The following MBD5 variants were observed in gnomAD, a reference collection of about 807,000 sequenced individuals.
MBD5 encodes the protein methyl-CpG binding domain protein 5.
In MBD5, 13 loss-of-function variants were observed where a neutral mutation model predicts 117.3. The observed-to-expected ratio is 0.11, with a 90% CI of 0.07 to 0.18. MBD5 has a LOEUF of 0.18. MBD5 is among the 10% of genes least tolerant of loss of function. The pLI is 1.00. For missense variants in MBD5, 1,879 were observed against 2,093.8 expected, an observed-to-expected ratio of 0.90 and a Z score of 2.00; for synonymous variants, 727 against 766.4, an observed-to-expected ratio of 0.95 and a Z score of 0.85.
chr2:148,430,441 A>G (rs1705949962), intron 4 of MBD5, among the ~76,000 whole-genome samples: 1 of 152,158 alleles, frequency 6.6e-6, no homozygotes, highest in Non-Finnish European at 1.5e-5. Context: ...ATGTGTATCT[A>G]TAATTCCTAT....
intron 4 of MBD5, among the ~76,000 whole-genome samples, chr2:148,443,285 T>A (rs1236643876): frequency 6.6e-6 from 1 of 151,324 alleles, no homozygotes; most frequent in South Asian, 2.1e-4. Flanking sequence ...CTTTGTACAC[T>A]GTTGTACACT....
chr2:148,268,233 T>C (rs577307449), intron 3 of MBD5, among the ~76,000 whole-genome samples: 1 of 152,116 alleles, frequency 6.6e-6, no homozygotes, highest in African/African-American at 2.4e-5. Flanking sequence ...TCAGCTGGGA[T>C]GAGTGCTCCC....
At chr2:148,377,816 T>C (rs879876191) in intron 4 of MBD5, among the ~76,000 whole-genome samples, 2 of 152,168 alleles carry the variant, frequency 1.3e-5, no homozygotes, top group Non-Finnish European at 2.9e-5. Flanking sequence ...TCCTCGACAA[T>C]AGAAACCTAC....
intron 11 of MBD5, among the ~76,000 whole-genome samples, chr2:148,501,831 G>T (rs1035885994): frequency 2.6e-5 from 4 of 152,172 alleles, no homozygotes; most frequent in Admixed American, 6.5e-5. Flanking sequence ...AGCCAAATGT[G>T]TACTAGGTCA....
intron 3 of MBD5, among the ~76,000 whole-genome samples, chr2:148,290,747 T>C (rs528983618): frequency 6.6e-6 from 1 of 152,344 alleles, no homozygotes; most frequent in East Asian, 1.9e-4. Flanking sequence ...CCACATTTCA[T>C]TTTATTCATC....
chr2:148,373,394 C>A (rs371852090), intron 4 of MBD5, among the ~76,000 whole-genome samples: 2 of 151,954 alleles, frequency 1.3e-5, no homozygotes, highest in African/African-American at 2.4e-5. Context: ...CAGTAATGAA[C>A]CTTGCTGATT....
At chr2:148,285,871 C>T (rs1701357092) in intron 3 of MBD5, among the ~76,000 whole-genome samples, 1 of 152,184 alleles carries the variant, frequency 6.6e-6, no homozygotes, top group Admixed American at 6.5e-5. Context: ...TAATTCATTA[C>T]ATTTTATATA....
chr2:148,356,272 A>G (rs1304770172), intron 4 of MBD5, among the ~76,000 whole-genome samples: 1 of 152,130 alleles, frequency 6.6e-6, no homozygotes, highest in Non-Finnish European at 1.5e-5. Flanking sequence ...CGATAATGGC[A>G]GCTGATCAGT....
At chr2:148,326,684 G>T (rs1702461624) in intron 3 of MBD5, among the ~76,000 whole-genome samples, 1 of 151,522 alleles carries the variant, frequency 6.6e-6, no homozygotes, top group Admixed American at 6.6e-5. Flanking sequence ...TTTTCCATTT[G>T]CTTGGTAGAT....
chr2:148,145,625 C>G (rs1332234431), intron 1 of MBD5, among the ~76,000 whole-genome samples: 2 of 152,144 alleles, frequency 1.3e-5, no homozygotes. Flanking sequence ...TACATCCCAT[C>G]AATACCTAGT....
At chr2:148,487,619 A>G (rs1047099937) in intron 10 of MBD5, among the ~76,000 whole-genome samples, 10 of 152,212 alleles carry the variant, frequency 6.6e-5, no homozygotes, top group Non-Finnish European at 5.9e-5. Flanking sequence ...TCAGTGACTT[A>G]GTGGAATGCA....
At chr2:148,050,855 T>C (rs1694680513) in intron 1 of MBD5, among the ~76,000 whole-genome samples, 1 of 152,136 alleles carries the variant, frequency 6.6e-6, no homozygotes. Flanking sequence ...CTTACTATAG[T>C]TTTTTTGTTT....
chr2:148,153,141 A>G (rs1203782303), intron 1 of MBD5, among the ~76,000 whole-genome samples: 3 of 151,534 alleles, frequency 2.0e-5, no homozygotes, highest in Admixed American at 6.6e-5. Flanking sequence ...CCTGGTGGTG[A>G]CAAAATCTCT....
intron 4 of MBD5, among the ~76,000 whole-genome samples, chr2:148,401,330 A>G (rs1430819035): frequency 6.6e-6 from 1 of 152,018 alleles, no homozygotes; most frequent in African/African-American, 2.4e-5. Flanking sequence ...TTATAATTTG[A>G]GGTCTCCACA....
intron 8 of MBD5, 169 bp downstream of exon 8, chr2:148,470,630 C>G (rs1472669476): frequency 6.7e-6 from 4 of 600,790 alleles, no homozygotes; most frequent in Non-Finnish European, 1.1e-5. Context: ...AGGGATTTGT[C>G]TATTGGGAAG....
intron 2 of MBD5, among the ~76,000 whole-genome samples, chr2:148,198,126 A>G (rs1000649127): frequency 6.6e-5 from 10 of 152,144 alleles, no homozygotes; most frequent in Admixed American, 1.3e-4. Context: ...GCCATAATCA[A>G]TACAGATTTT....
At chr2:148,454,996 G>A (rs1706841197) in intron 4 of MBD5, among the ~76,000 whole-genome samples, 1 of 152,088 alleles carries the variant, frequency 6.6e-6, no homozygotes, top group African/African-American at 2.4e-5. Context: ...GCATGGAATA[G>A]CTTTCCATTT....
chr2:148,395,570 A>G (rs928997954), intron 4 of MBD5, among the ~76,000 whole-genome samples: 4 of 151,824 alleles, frequency 2.6e-5, no homozygotes, highest in African/African-American at 7.3e-5. Flanking sequence ...GATCACAGGC[A>G]TGCACCACCA....
rs539534080 is a variant in MBD5, at chr2:148,079,366, TGTTATA to T, written c.-925+57690_-925+57695del. ...CAGCAAGCTCAATCGATGAGGATAT[TGTTATA>T]GTTATAGAATCATAGTCAGTTTTGA... On this transcript the variant is annotated intron_variant, in intron 1 of 13. Transcript: ENST00000642680. Among the ~76,000 whole-genome samples the T allele has an allele frequency of 1.4e-4, 22 of 152,344 alleles. No individual in the cohort carries two copies. In the East Asian group the frequency reaches 3.5e-3, roughly 24 times the overall value.
Sources: gnomAD v4.1 joint callset for allele counts (sites outside exome capture counted in the v4.1 genomes callset) on GRCh38, gnomAD v4.1.1 for gene constraint, MANE v1.5 for transcripts, NCBI Gene and HGNC (gene_info 2026-07-23, HGNC 2026-07-21) for gene names.